The following ADARB2 variants were observed in gnomAD, a reference collection of about 807,000 sequenced individuals.
ADARB2 encodes the protein adenosine deaminase RNA specific B2 (inactive).
Under a neutral mutation model 62.2 loss-of-function variants are expected in ADARB2, and 25 were observed. The ratio of observed to expected loss-of-function variants is 0.40; its 90% CI spans 0.29 to 0.56. The LOEUF is 0.56. Ranked by LOEUF, ADARB2 falls within the 20% of genes least tolerant of loss-of-function variation. ADARB2 has a pLI of 0.43. For synonymous variants in ADARB2, 572 were observed against 500.8 expected, an observed-to-expected ratio of 1.14 and a Z score of -1.90; for missense variants, 1,071 against 1,077.4, an observed-to-expected ratio of 0.99 and a Z score of 0.08.
intron 1 of ADARB2, among the ~76,000 whole-genome samples, chr10:1,725,855 C>G (rs1319107967): frequency 1.3e-5 from 2 of 152,194 alleles, no homozygotes; most frequent in Non-Finnish European, 2.9e-5. Flanking sequence ...TGAGAAGTCC[C>G]AGGGAGAGAG....
rs1161440218 is a variant in ADARB2 at position 1,182,009 on chromosome 10, C to G, written c.*1184G>C. ...GCTGAAGGTCTCTGGTGTTGGAAGCCTGCTCTGAGGGTCACAGAATCCTGC... is the reference window on the plus strand; with the variant it reads ...GCTGAAGGTCTCTGGTGTTGGAAGCGTGCTCTGAGGGTCACAGAATCCTGC... On this transcript the variant is annotated 3_prime_UTR_variant, in exon 10 of 10. Transcript: ENST00000381312. The G allele has an allele frequency of 6.6e-6, 1 of 152,204 alleles. No homozygotes were observed. The highest frequency in any genetic ancestry group is 1.5e-5 in the Non-Finnish European group (1 of 68,046). 9.4% of individuals were successfully genotyped at this position (152,204 alleles called of 1,614,324 possible). A position where few individuals can be genotyped will look rare whatever the true frequency, so the allele number is the denominator to read the frequency against.
intron 1 of ADARB2, among the ~76,000 whole-genome samples, chr10:1,395,185 T>G (rs1431945192): frequency 6.6e-6 from 1 of 152,168 alleles, no homozygotes; most frequent in African/African-American, 2.4e-5. Context: ...CTGGCCAAGA[T>G]TTTTTATTCT....
intron 3 of ADARB2, among the ~76,000 whole-genome samples, chr10:1,317,727 C>T (rs1042976180): frequency 2.0e-5 from 2 of 97,646 alleles, no homozygotes; most frequent in Non-Finnish European, 3.9e-5. Flanking sequence ...AGCCCATCAG[C>T]AGGGGGCACA....
At chr10:1,248,112 G>T (rs1294540467) in intron 4 of ADARB2, among the ~76,000 whole-genome samples, 2 of 152,234 alleles carry the variant, frequency 1.3e-5, no homozygotes, top group African/African-American at 4.8e-5. Flanking sequence ...AAGACAGGAT[G>T]GGGCAGCAAA....
intron 1 of ADARB2, among the ~76,000 whole-genome samples, chr10:1,610,347 A>C (rs1833552496): frequency 6.6e-6 from 1 of 152,210 alleles, no homozygotes; most frequent in Non-Finnish European, 1.5e-5. Flanking sequence ...CCAGACCCCA[A>C]GTTAAGGGCC....
At chr10:1,410,773 G>C (rs903795325) in intron 1 of ADARB2, among the ~76,000 whole-genome samples, 2 of 152,152 alleles carry the variant, frequency 1.3e-5, no homozygotes, top group Non-Finnish European at 2.9e-5. Context: ...AGCAGGAATC[G>C]TCGGTGCAAT....
chr10:1,732,693 T>G (rs890088987), intron 1 of ADARB2, among the ~76,000 whole-genome samples: 1 of 152,364 alleles, frequency 6.6e-6, no homozygotes, highest in East Asian at 1.9e-4. Flanking sequence ...GGTGCAGGAC[T>G]GTGTCCCTGG....
chr10:1,635,670 C>T (rs896237512), intron 1 of ADARB2, among the ~76,000 whole-genome samples: 1 of 152,200 alleles, frequency 6.6e-6, no homozygotes, highest in Non-Finnish European at 1.5e-5. Context: ...TCCCTGTGAA[C>T]GGAACTGGCT....
At chr10:1,256,752 G>C (rs1307853944) in intron 4 of ADARB2, among the ~76,000 whole-genome samples, 8 of 152,162 alleles carry the variant, frequency 5.3e-5, no homozygotes, top group African/African-American at 1.9e-4. Context: ...CCAAGAAAGA[G>C]GTAGAATGAC....
At chr10:1,420,680 C>T (rs1270312528) in intron 1 of ADARB2, among the ~76,000 whole-genome samples, 1 of 150,884 alleles carries the variant, frequency 6.6e-6, no homozygotes, top group South Asian at 2.1e-4. Context: ...CGAGTGAGCA[C>T]AGCGCTGACA....
At chr10:1,633,493 C>T (rs1161027805) in intron 1 of ADARB2, among the ~76,000 whole-genome samples, 1 of 149,428 alleles carries the variant, frequency 6.7e-6, no homozygotes, top group East Asian at 2.0e-4. Flanking sequence ...CCCAAGTGAA[C>T]ATCTCAGGTA....
chr10:1,595,543 G>C (rs1480049809), intron 1 of ADARB2, among the ~76,000 whole-genome samples: 1 of 152,244 alleles, frequency 6.6e-6, no homozygotes, highest in Admixed American at 6.5e-5. Context: ...ATCAGGGTCA[G>C]AGGCTGAGGG....
At chr10:1,339,549 TCAAA>T (rs906315693) in intron 3 of ADARB2, among the ~76,000 whole-genome samples, 1 of 152,226 alleles carries the variant, frequency 6.6e-6, no homozygotes, top group African/African-American at 2.4e-5. Flanking sequence ...ATAAACAAAA[TCAAA>T]CAACACCAAA....
chr10:1,524,838 G>A (rs1056140804), intron 1 of ADARB2, among the ~76,000 whole-genome samples: 2 of 152,126 alleles, frequency 1.3e-5, no homozygotes, highest in South Asian at 4.1e-4. Context: ...ATTCTATGTT[G>A]AGAATAATAT....
intron 1 of ADARB2, among the ~76,000 whole-genome samples, chr10:1,463,158 G>A (rs1275585248): frequency 1.3e-5 from 2 of 152,152 alleles, no homozygotes; most frequent in Non-Finnish European, 2.9e-5. Flanking sequence ...AGTGGGATTG[G>A]GGGCTGCAGC....
chr10:1,600,661 C>CA (rs71379153), intron 1 of ADARB2, among the ~76,000 whole-genome samples: 34,693 of 70,718 alleles, frequency 0.49, 9,967 homozygotes, highest in South Asian at 0.69. Context: ...GACTCTGTCT[C>CA]AAAAAAAAAA....
intron 1 of ADARB2, among the ~76,000 whole-genome samples, chr10:1,569,263 C>T (rs527277429): frequency 1.3e-5 from 2 of 150,892 alleles, no homozygotes; most frequent in South Asian, 4.2e-4. Context: ...AGACAGAGAG[C>T]GAGAGAGAGA....
intron 1 of ADARB2, among the ~76,000 whole-genome samples, chr10:1,690,933 G>A (rs893780418): frequency 3.9e-5 from 6 of 152,168 alleles, no homozygotes; most frequent in South Asian, 2.1e-4. Context: ...GTCTGATGAC[G>A]CCAGGCAGGT....
rs188646887 is a variant in ADARB2 at position 1,225,860 on chromosome 10, A to G, written c.1513+7834T>C. Among the ~76,000 whole-genome samples the G allele has an allele frequency of 1.9e-4, 29 of 151,854 alleles. No homozygotes were observed. In the East Asian group the frequency reaches 5.6e-3, roughly 29 times the overall value. On this transcript the variant is annotated intron_variant, in intron 6 of 9. Coordinates refer to ENST00000381312, the MANE Select transcript of ADARB2 (RefSeq NM_018702.4). ...CCTTAACATTTTTTCCTTCATTTCA[A>G]CTTTGGTGAATCTGACAATTATGTG...
Sources: gnomAD v4.1 joint callset for allele counts (sites outside exome capture counted in the v4.1 genomes callset) on GRCh38, gnomAD v4.1.1 for gene constraint, MANE v1.5 for transcripts, NCBI Gene and HGNC (gene_info 2026-07-23, HGNC 2026-07-21) for gene names.